Variants in ZNF407 observed in about 807,000 individuals in gnomAD.
ZNF407 encodes the protein zinc finger protein 407.
In ZNF407, 17 loss-of-function variants were observed where a neutral mutation model predicts 131.2. The observed-to-expected ratio is 0.13, with a 90% CI of 0.09 to 0.19. ZNF407 has a LOEUF of 0.19. ZNF407 is among the 10% of genes least tolerant of loss of function. The probability of loss-of-function intolerance (pLI) is 1.00; values close to 1 mark genes in which losing one functional copy is unlikely to be tolerated. For synonymous variants in ZNF407, 1,156 were observed against 1,062.0 expected, an observed-to-expected ratio of 1.09 and a Z score of -1.72; for missense variants, 2,681 against 2,830.6, an observed-to-expected ratio of 0.95 and a Z score of 1.20.
chr18:74,691,453 A>T lies in ZNF407; in HGVS notation c.4802+50331A>T, dbSNP rs910286980. Among the ~76,000 whole-genome samples, 28 of 150,038 alleles carry T rather than the reference A, an allele frequency of 1.9e-4. No homozygotes were observed. In the East Asian group the frequency reaches 4.1e-3, roughly 22 times the overall value. ...ATAGTGTTTGATCACTTTGGCTAAA[A>T]TTTTTTTTGTTGTTTTTTACAAATT... On this transcript the variant is annotated intron_variant, in intron 3 of 8. Transcript: ENST00000299687.
At chr18:74,959,613 G>A (rs889443420) in intron 8 of ZNF407, among the ~76,000 whole-genome samples, 3 of 152,050 alleles carry the variant, frequency 2.0e-5, no homozygotes, top group Non-Finnish European at 4.4e-5. Flanking sequence ...ATCTCTAAAC[G>A]GAATACACTT....
intron 4 of ZNF407, among the ~76,000 whole-genome samples, chr18:74,828,138 T>C (rs892016549): frequency 6.6e-6 from 1 of 152,170 alleles, no homozygotes; most frequent in Non-Finnish European, 1.5e-5. Flanking sequence ...TCAGGTTGGC[T>C]TTGTTGATTT....
At chr18:74,836,715 C>T (rs1970564737) in intron 4 of ZNF407, among the ~76,000 whole-genome samples, 1 of 152,166 alleles carries the variant, frequency 6.6e-6, no homozygotes, top group African/African-American at 2.4e-5. Flanking sequence ...CAAGGCCAGG[C>T]TGACTTCATC....
chr18:74,628,113 T>C (rs1366142068), intron 1 of ZNF407, among the ~76,000 whole-genome samples: 1 of 152,156 alleles, frequency 6.6e-6, no homozygotes, highest in African/African-American at 2.4e-5. Context: ...TTATATAATT[T>C]ATATTTTCTG....
At chr18:74,637,948 C>A (rs931385668) in intron 2 of ZNF407, among the ~76,000 whole-genome samples, 1 of 152,156 alleles carries the variant, frequency 6.6e-6, no homozygotes, top group African/African-American at 2.4e-5. Flanking sequence ...ACGAAGTAAT[C>A]AACATGACCA....
intron 4 of ZNF407, among the ~76,000 whole-genome samples, chr18:74,863,056 G>C (rs1568245684): frequency 6.6e-6 from 1 of 151,794 alleles, no homozygotes; most frequent in Non-Finnish European, 1.5e-5. Context: ...AAGTAGCTGG[G>C]ATTACAGGCA....
At chr18:74,869,944 T>C (rs970851549) in intron 4 of ZNF407, among the ~76,000 whole-genome samples, 27 of 152,320 alleles carry the variant, frequency 1.8e-4, no homozygotes, top group African/African-American at 6.3e-4. Context: ...TGGGGAAAAT[T>C]TCAGCTAAAA....
chr18:74,606,849 G>C (rs34013444), intron 1 of ZNF407, among the ~76,000 whole-genome samples: 10,334 of 152,260 alleles, frequency 0.068, 390 homozygotes, highest in African/African-American at 0.1. Context: ...TATATCCGGT[G>C]TAATTCAGAG....
chr18:74,880,700 T>A (rs1344710989), intron 5 of ZNF407, among the ~76,000 whole-genome samples: 2 of 151,684 alleles, frequency 1.3e-5, no homozygotes, highest in Middle Eastern at 3.4e-3. Context: ...AAAGGCCAGA[T>A]GTATGGGAAT....
At chr18:74,956,029 T>C (rs1972271674) in intron 8 of ZNF407, among the ~76,000 whole-genome samples, 1 of 152,226 alleles carries the variant, frequency 6.6e-6, no homozygotes, top group Admixed American at 6.5e-5. Context: ...TCTGGTTCTT[T>C]TTTCTGAAGT....
chr18:74,598,793 T>C (rs1008961685), intron 1 of ZNF407, among the ~76,000 whole-genome samples: 3 of 152,244 alleles, frequency 2.0e-5, no homozygotes, highest in African/African-American at 7.2e-5. Context: ...CCTGGGTGCT[T>C]GGCCTCCTTC....
At chr18:74,735,737 C>T (rs907903644) in intron 3 of ZNF407, among the ~76,000 whole-genome samples, 6 of 152,300 alleles carry the variant, frequency 3.9e-5, no homozygotes, top group African/African-American at 1.4e-4. Context: ...ACTTTAGAGG[C>T]TTGTCTTGAA....
chr18:74,908,486 A>G (rs1175626515), intron 7 of ZNF407, among the ~76,000 whole-genome samples: 2 of 152,146 alleles, frequency 1.3e-5, no homozygotes, highest in Non-Finnish European at 2.9e-5. Context: ...TGTTTCTTAT[A>G]TACATGGATC....
chr18:74,899,244 G>A (rs1246103926), intron 7 of ZNF407, among the ~76,000 whole-genome samples: 1 of 152,194 alleles, frequency 6.6e-6, no homozygotes, highest in Non-Finnish European at 1.5e-5. Flanking sequence ...GGATCCAACA[G>A]GAGACAGGAG....
intron 1 of ZNF407, among the ~76,000 whole-genome samples, chr18:74,610,240 T>C (rs1262201768): frequency 6.6e-6 from 1 of 152,240 alleles, no homozygotes. Context: ...TTTCACATGA[T>C]TGTGGAGCTG....
chr18:74,782,233 C>T (rs927336634), intron 4 of ZNF407, among the ~76,000 whole-genome samples: 1 of 152,050 alleles, frequency 6.6e-6, no homozygotes. Context: ...AGGTAGGATC[C>T]AAAATTCTAC....
chr18:74,866,648 C>A (rs1262375439), intron 4 of ZNF407, among the ~76,000 whole-genome samples: 1 of 151,642 alleles, frequency 6.6e-6, no homozygotes, highest in Non-Finnish European at 1.5e-5. Flanking sequence ...TGAAACACTT[C>A]TGGGTATTAC....
chr18:74,691,169 C>T (rs1325390539), intron 3 of ZNF407, among the ~76,000 whole-genome samples: 4 of 151,926 alleles, frequency 2.6e-5, no homozygotes, highest in African/African-American at 9.7e-5. Context: ...ATCCCAGCTA[C>T]TCGGGAGGCT....
At chr18:74,765,580 T>C (rs1969210380) in intron 3 of ZNF407, among the ~76,000 whole-genome samples, 1 of 152,232 alleles carries the variant, frequency 6.6e-6, no homozygotes, top group African/African-American at 2.4e-5. Context: ...TGGGAGCCTG[T>C]GTGAGCCCAA....
Sources: gnomAD v4.1 joint callset for allele counts (sites outside exome capture counted in the v4.1 genomes callset) on GRCh38, gnomAD v4.1.1 for gene constraint, MANE v1.5 for transcripts, NCBI Gene and HGNC (gene_info 2026-07-23, HGNC 2026-07-21) for gene names.